CHST9: variants seen among roughly 807,000 people sequenced by gnomAD.
The protein encoded by CHST9 is GalNAc-4-sulfotransferase 2.
CHST9 carries 41 observed loss-of-function variants against 44.4 expected under a neutral mutation model. The ratio of observed to expected loss-of-function variants is 0.92; its 90% CI spans 0.72 to 1.20. The LOEUF is 1.20. Ranked by LOEUF, CHST9 falls within the 50% of genes most tolerant of loss-of-function variation. The pLI, the probability that CHST9 is intolerant of heterozygous loss-of-function variation, is 0.00. For missense variants in CHST9, 504 were observed against 516.5 expected (o/e 0.98, Z 0.23); for synonymous variants, 171 against 178.4 (o/e 0.96, Z 0.33).
At chr18:27,182,579 T>A (rs1243227362) in intron 1 of CHST9, among the ~76,000 whole-genome samples, 1 of 152,228 alleles carries the variant, frequency 6.6e-6, no homozygotes, top group Admixed American at 6.5e-5. Flanking sequence ...ACAAAGGATG[T>A]ATTATGTAAC....
chr18:26,977,203 C>T (rs758920023), intron 4 of CHST9, among the ~76,000 whole-genome samples: 20 of 151,536 alleles, frequency 1.3e-4, no homozygotes, highest in Non-Finnish European at 2.5e-4. Context: ...TGTACCGATG[C>T]TTAAAAAAAA....
rs185520192 is a variant in CHST9 at position 27,097,958 on chromosome 18, C to T, written c.121+44731G>A. 2.8e-3 allele frequency among the ~76,000 whole-genome samples: 421 copies of T among 151,994 alleles called. 2 individuals carry two copies. Among genetic ancestry groups the T allele is most frequent in the African/African-American group, 9.8e-3 (408 of 41,468 alleles). On this transcript the variant is annotated intron_variant, in intron 2 of 5. Coordinates refer to ENST00000618847, the MANE Select transcript of CHST9 (RefSeq NM_031422.6). ...CTGGTCTATATATCTCTTTTGGTAC[C>T]AGTATCATGCTGTTTTGGTTACTGT... is the stretch of plus-strand genomic sequence containing the variant.
intron 5 of CHST9, among the ~76,000 whole-genome samples, chr18:26,923,746 A>G (rs1426699756): frequency 6.6e-6 from 1 of 152,262 alleles, no homozygotes; most frequent in Admixed American, 6.5e-5. Context: ...GATGAAAATA[A>G]GCAGTTTATG....
At chr18:26,936,410 A>G (rs932588913) in intron 5 of CHST9, 4 of 152,224 alleles carry the variant, frequency 2.6e-5, no homozygotes, top group African/African-American at 4.8e-5. Context: ...TGCATATTCA[A>G]ACATATTCCA....
intron 4 of CHST9, among the ~76,000 whole-genome samples, chr18:26,971,145 A>AG (rs1290526947): frequency 6.6e-6 from 1 of 152,214 alleles, no homozygotes; most frequent in African/African-American, 2.4e-5. Context: ...ACTAGATTGC[A>AG]AACTACCTTA....
chr18:27,030,904 A>C (rs1461667777), intron 3 of CHST9, among the ~76,000 whole-genome samples: 1 of 151,912 alleles, frequency 6.6e-6, no homozygotes, highest in South Asian at 2.1e-4. Context: ...TTCAGCCTTG[A>C]GATTCTAGGA....
intron 2 of CHST9, among the ~76,000 whole-genome samples, chr18:27,091,355 T>C (rs1295392354): frequency 6.6e-6 from 1 of 152,200 alleles, no homozygotes; most frequent in African/African-American, 2.4e-5. Flanking sequence ...GCTGAGATGA[T>C]GGGGTTTTCT....
chr18:26,995,118 C>T (rs12965509), intron 4 of CHST9, among the ~76,000 whole-genome samples: 8 of 151,812 alleles, frequency 5.3e-5, no homozygotes, highest in Non-Finnish European at 1.2e-4. Context: ...ATGAATGAGC[C>T]TGCAAGTAGC....
At chr18:27,045,392 C>T (rs925709787) in intron 3 of CHST9, among the ~76,000 whole-genome samples, 15 of 152,010 alleles carry the variant, frequency 9.9e-5, no homozygotes, top group South Asian at 6.2e-4. Flanking sequence ...TTTCTAATAT[C>T]GAGAATTCCA....
In CHST9 at chr18:26,913,180, A is replaced by G. The variant is rs1389365566; in HGVS notation, c.*3079T>C. ...CTATACATTTTAGGAGATAAGAATA[A>G]TAATACATCAATAAAATGTAAAAGT... On this transcript the variant is annotated 3_prime_UTR_variant, in exon 6 of 6. Transcript: ENST00000618847. 1 of 152,232 alleles carries G rather than the reference A, an allele frequency of 6.6e-6. No homozygotes were observed. The highest frequency in any genetic ancestry group is 2.4e-5 in the African/African-American group (1 of 41,464). 9.4% of individuals were successfully genotyped at this position (152,232 alleles called of 1,614,324 possible). A position where few individuals can be genotyped will look rare whatever the true frequency, so the allele number is the denominator to read the frequency against.
intron 4 of CHST9, among the ~76,000 whole-genome samples, chr18:27,015,323 T>TGTGTG (rs2057139007): frequency 1.4e-5 from 2 of 146,454 alleles, no homozygotes; most frequent in South Asian, 4.5e-4. Flanking sequence ...AGAGAGGCAG[T>TGTGTG]TGTGTGTGTG....
At chr18:27,176,083 G>A (rs924156758) in intron 1 of CHST9, among the ~76,000 whole-genome samples, 3 of 151,982 alleles carry the variant, frequency 2.0e-5, no homozygotes, top group African/African-American at 7.2e-5. Context: ...GGAATGTTAA[G>A]GCAGCTTGAA....
At chr18:27,134,584 T>C (rs1364257568) in intron 2 of CHST9, among the ~76,000 whole-genome samples, 1 of 152,128 alleles carries the variant, frequency 6.6e-6, no homozygotes, top group Non-Finnish European at 1.5e-5. Context: ...GTCATATCAC[T>C]GACCAAAAAA....
rs374031445 is a variant in CHST9 at position 27,108,308 on chromosome 18, A to G, written c.121+34381T>C. On this transcript the variant is annotated intron_variant, in intron 2 of 5. Transcript: ENST00000618847. Reference sequence around the variant, plus strand: ...CCCTGGTTTGACTTTTTAAAAAATCATCAGTCAAGCCAGTATTCTTTAGGA... The same window carrying G: ...CCCTGGTTTGACTTTTTAAAAAATCGTCAGTCAAGCCAGTATTCTTTAGGA... 3.3e-5 allele frequency among the ~76,000 whole-genome samples: 5 copies of G among 152,290 alleles called. No homozygotes were observed. The South Asian group carries it at 8.3e-4, about 25-fold the overall frequency.
chr18:27,130,544 C>T (rs557427120), intron 2 of CHST9, among the ~76,000 whole-genome samples: 6 of 152,242 alleles, frequency 3.9e-5, no homozygotes, highest in East Asian at 1.9e-4. Flanking sequence ...GGAATAGATA[C>T]GATATGGAAG....
chr18:27,085,626 T>C (rs1440502154), intron 2 of CHST9, among the ~76,000 whole-genome samples: 3 of 152,056 alleles, frequency 2.0e-5, no homozygotes, highest in South Asian at 2.1e-4. Context: ...ACAACAGATG[T>C]TGGCAAGGTT....
chr18:26,943,182 A>G (rs144606638), intron 5 of CHST9, among the ~76,000 whole-genome samples: 4 of 152,242 alleles, frequency 2.6e-5, no homozygotes, highest in African/African-American at 9.6e-5. Context: ...CTATTTCACA[A>G]TGATGGCATT....
At chr18:26,962,502 G>A (rs763004698) in intron 4 of CHST9, among the ~76,000 whole-genome samples, 3 of 152,124 alleles carry the variant, frequency 2.0e-5, no homozygotes, top group Non-Finnish European at 4.4e-5. Context: ...TGCTGGCCAG[G>A]CTGGTCTTGA....
rs75840791 is a variant in CHST9 at position 27,010,673 on chromosome 18, G to C, written c.202+13443C>G. ...GTTGATCTGAGGATTGAACGAGAGA[G>C]AGTTCCCATCTCTCATCGTACTCAA... On this transcript the variant is annotated intron_variant, in intron 4 of 5. Coordinates refer to ENST00000618847, the MANE Select transcript of CHST9 (RefSeq NM_031422.6). Among the ~76,000 whole-genome samples the C allele has an allele frequency of 5.5e-3, 841 of 152,302 alleles. 5 individuals carry two copies. The highest frequency in any genetic ancestry group is 0.01 in the Non-Finnish European group (694 of 68,016).
Sources: gnomAD v4.1 joint callset for allele counts (sites outside exome capture counted in the v4.1 genomes callset) on GRCh38, gnomAD v4.1.1 for gene constraint, MANE v1.5 for transcripts, NCBI Gene and HGNC (gene_info 2026-07-23, HGNC 2026-07-21) for gene names.